The following NKAIN3 variants were observed in gnomAD, a reference collection of about 807,000 sequenced individuals.
The protein encoded by NKAIN3 is sodium/potassium transporting ATPase interacting 3.
In NKAIN3, 25 loss-of-function variants were observed where a neutral mutation model predicts 30.2. The ratio of observed to expected loss-of-function variants is 0.83; its 90% confidence interval spans 0.60 to 1.16. The LOEUF (loss-of-function observed/expected upper bound fraction) is 1.16, where lower values mean the gene tolerates loss of function less well. NKAIN3 is among the 50% of genes most tolerant of loss of function. The pLI is 0.00. For synonymous variants in NKAIN3, 91 were observed against 89.6 expected (o/e 1.02, Z -0.09); for missense variants, 225 against 254.1 (o/e 0.89, Z 0.78).
chr8:62,261,356 TG>T (rs1041673260), intron 1 of NKAIN3, among the ~76,000 whole-genome samples: 2 of 152,210 alleles, frequency 1.3e-5, no homozygotes, highest in African/African-American at 4.8e-5. Context: ...ACTGATTTGT[TG>T]GTAACTGATC....
At chr8:62,707,056 TACACACACAC>T (rs35879987) in intron 3 of NKAIN3, among the ~76,000 whole-genome samples, 6 of 143,310 alleles carry the variant, frequency 4.2e-5, no homozygotes, top group Non-Finnish European at 9.0e-5. Flanking sequence ...CATACATACA[TACACACACAC>T]ACACACACAC....
chr8:62,437,717 G>A (rs963298859), intron 1 of NKAIN3, among the ~76,000 whole-genome samples: 1 of 151,642 alleles, frequency 6.6e-6, no homozygotes, highest in Non-Finnish European at 1.5e-5. Context: ...ATTTACAAAT[G>A]AAAAAAAATC....
chr8:62,959,202 C>A (rs910709977), intron 6 of NKAIN3, among the ~76,000 whole-genome samples: 5 of 152,196 alleles, frequency 3.3e-5, no homozygotes, highest in African/African-American at 9.6e-5. Flanking sequence ...GGTAGCCCTG[C>A]AGCGAGCTCT....
In NKAIN3 at chr8:62,746,932, G is replaced by A. The variant is rs1199514187; in HGVS notation, c.274G>A (p.Asp92Asn). Residue 92 changes from aspartate to asparagine, a missense_variant and splice_region_variant, in exon 4 of 7, where the codon GAC becomes AAC. By Grantham distance (23) the Asp-to-Asn change is conservative. Transcript: ENST00000623646. ...GCTCTTTTGTCTCCTACCCACCTAG[G>A]ACACCGATCTAATGACATTCAATAT... Reference protein sequence around the residue: ...FYLEVGGLSKDTDLMTFNISV... With the variant: ...FYLEVGGLSKNTDLMTFNISV... 3 of 1,594,756 alleles carry A rather than the reference G, an allele frequency of 1.9e-6. No homozygotes were observed. Among genetic ancestry groups the A allele is most frequent in the Non-Finnish European group, 2.6e-6 (3 of 1,164,356 alleles).
chr8:62,711,790 G>A (rs1458669478), intron 3 of NKAIN3, among the ~76,000 whole-genome samples: 1 of 152,162 alleles, frequency 6.6e-6, no homozygotes, highest in Non-Finnish European at 1.5e-5. Context: ...GAACTAGTGT[G>A]ATTTTTTGGG....
chr8:62,822,187 T>C (rs1006896554), intron 4 of NKAIN3, among the ~76,000 whole-genome samples: 3 of 152,198 alleles, frequency 2.0e-5, no homozygotes, highest in Non-Finnish European at 4.4e-5. Context: ...ATAGTGATTG[T>C]TCTATTGCTG....
chr8:62,672,709 A>G (rs1283244444), intron 3 of NKAIN3, among the ~76,000 whole-genome samples: 4 of 152,170 alleles, frequency 2.6e-5, no homozygotes, highest in Non-Finnish European at 5.9e-5. Flanking sequence ...ATGGCTGCTA[A>G]TACCTTTTCC....
chr8:62,821,463 G>C (rs1419643632), intron 4 of NKAIN3, among the ~76,000 whole-genome samples: 1 of 152,130 alleles, frequency 6.6e-6, no homozygotes, highest in East Asian at 1.9e-4. Context: ...AGGAGAAAGA[G>C]CAGTTGAATA....
At chr8:62,679,867 C>G (rs75053777) in intron 3 of NKAIN3, among the ~76,000 whole-genome samples, 15,926 of 152,130 alleles carry the variant, frequency 0.1, 997 homozygotes, top group East Asian at 0.25. Context: ...GGTGGGGACA[C>G]AGATTCAAGC....
At chr8:62,609,630 C>A (rs1300095208) in intron 3 of NKAIN3, among the ~76,000 whole-genome samples, 2 of 151,858 alleles carry the variant, frequency 1.3e-5, no homozygotes, top group South Asian at 4.2e-4. Context: ...ACTATAATTG[C>A]TTGTTGTATT....
intron 1 of NKAIN3, among the ~76,000 whole-genome samples, chr8:62,375,971 A>T (rs1585738044): frequency 6.6e-6 from 1 of 152,280 alleles, no homozygotes; most frequent in East Asian, 1.9e-4. Context: ...ACTTTCTGTG[A>T]GGCACTATGT....
At chr8:62,442,029 T>C (rs1805341884) in intron 1 of NKAIN3, among the ~76,000 whole-genome samples, 1 of 152,060 alleles carries the variant, frequency 6.6e-6, no homozygotes, top group South Asian at 2.1e-4. Flanking sequence ...TATTGATAGA[T>C]GTTCTGATAT....
intron 2 of NKAIN3, among the ~76,000 whole-genome samples, chr8:62,585,084 A>G (rs2130085040): frequency 6.6e-6 from 1 of 152,332 alleles, no homozygotes; most frequent in South Asian, 2.1e-4. Context: ...TCAGAACATG[A>G]CAGCAATGTA....
chr8:62,810,765 A>G (rs1176805544), intron 4 of NKAIN3, among the ~76,000 whole-genome samples: 1 of 151,008 alleles, frequency 6.6e-6, no homozygotes, highest in Non-Finnish European at 1.5e-5. Flanking sequence ...CACTCACTTG[A>G]AAAATGTACC....
chr8:62,643,826 T>C (rs56177883), intron 3 of NKAIN3, among the ~76,000 whole-genome samples: 12,055 of 151,734 alleles, frequency 0.079, 1,038 homozygotes, highest in African/African-American at 0.22. Context: ...TTGTTGTTTT[T>C]TATATATAAG....
intron 1 of NKAIN3, among the ~76,000 whole-genome samples, chr8:62,380,642 G>T (rs370886554): frequency 1.3e-5 from 2 of 152,160 alleles, no homozygotes; most frequent in Non-Finnish European, 2.9e-5. Context: ...TGGTAGAAAA[G>T]GTTGTCTAAA....
chr8:62,590,805 A>G (rs1810627705), intron 3 of NKAIN3, among the ~76,000 whole-genome samples: 1 of 151,646 alleles, frequency 6.6e-6, no homozygotes, highest in African/African-American at 2.4e-5. Flanking sequence ...AGAGGTGGTT[A>G]CTCTTTTTTC....
At chr8:62,574,632 A>C (rs1266380053) in intron 1 of NKAIN3, among the ~76,000 whole-genome samples, 1 of 152,060 alleles carries the variant, frequency 6.6e-6, no homozygotes, top group Admixed American at 6.6e-5. Flanking sequence ...ACCGTTCTCC[A>C]TAGTGGTTGT....
rs1823924956 is a variant in NKAIN3 at position 62,975,652 on chromosome 8, T to C, written c.*10245T>C. On this transcript the variant is annotated 3_prime_UTR_variant, in exon 7 of 7. Transcript: ENST00000623646. Reference sequence around the variant, plus strand: ...TTGATTTTTTGAAGGGTTTTTCGTATCTCTTTCAGTTCTGTTCTGATCTTA... The same window carrying C: ...TTGATTTTTTGAAGGGTTTTTCGTACCTCTTTCAGTTCTGTTCTGATCTTA... Among the ~76,000 whole-genome samples, 1 of 152,216 alleles carries C rather than the reference T, an allele frequency of 6.6e-6. No individual in the cohort carries two copies. The highest frequency in any genetic ancestry group is 1.5e-5 in the Non-Finnish European group (1 of 68,038).
Sources: allele counts gnomAD v4.1 joint callset (sites outside exome capture counted in the v4.1 genomes callset), GRCh38; gene constraint gnomAD v4.1.1; transcripts MANE v1.5; gene names NCBI Gene and HGNC (gene_info 2026-07-23, HGNC 2026-07-21).